Variants in TSGA10 observed in about 807,000 individuals in gnomAD.
TSGA10 encodes the protein testis specific 10.
Under a neutral mutation model 96.6 loss-of-function variants are expected in TSGA10, and 43 were observed. The observed-to-expected ratio is 0.44, with a 90% confidence interval of 0.35 to 0.57. The LOEUF is 0.57. Among genes scored for constraint, TSGA10 ranks in the 20% least tolerant of loss-of-function variants. The pLI is 0.01. For missense variants in TSGA10, 703 were observed against 834.4 expected (o/e 0.84, Z 1.94); for synonymous variants, 229 against 269.9 (o/e 0.85, Z 1.48).
Position 99,039,284 on chromosome 2 carries a change from G to A in TSGA10, c.1405-3845C>T, listed in dbSNP as rs538315839. 3.4e-5 allele frequency among the ~76,000 whole-genome samples: 5 copies of A among 145,776 alleles called. 1 individual carries two copies. In the East Asian group the frequency reaches 1.0e-3, roughly 29 times the overall value. ...AGAAGAAAAGAAATAACAAAGATCA[G>A]AGCAGAATTAAAATGGAAACAACCA... On this transcript the variant is annotated intron_variant, in intron 16 of 20. Coordinates refer to ENST00000393483, the MANE Select transcript of TSGA10 (RefSeq NM_025244.4).
intron 16 of TSGA10, among the ~76,000 whole-genome samples, chr2:99,063,927 G>A (rs2084965044): frequency 6.6e-6 from 1 of 152,014 alleles, no homozygotes; most frequent in Non-Finnish European, 1.5e-5. Flanking sequence ...AAATGGCAAA[G>A]AAACATGAAA....
Position 98,998,209 on chromosome 2 carries a change from G to A in TSGA10, c.2085C>T (p.Tyr695=), listed in dbSNP as rs2077603458. 6 of 1,598,722 alleles carry A rather than the reference G, an allele frequency of 3.8e-6. No homozygotes were observed. Among genetic ancestry groups the A allele is most frequent in the Non-Finnish European group, 5.1e-6 (6 of 1,174,572 alleles). The change falls in exon 21 of 21, where the codon TAC becomes TAT. Residue 695 remains tyrosine (Y), a synonymous_variant. Coordinates refer to ENST00000393483, the MANE Select transcript of TSGA10 (RefSeq NM_025244.4). ...ATCATTTCAGGTGTCAGAAATCTCT[G>A]TAGCAAAGATTCCTATAAGAGAAAA... is the stretch of plus-strand genomic sequence containing the variant. The part of the protein sequence containing the change: ...LDRSLEENLC[Y]RDF
At chr2:99,018,079 G>T in intron 20 of TSGA10, 121 bp downstream of exon 20, 1 of 850,688 alleles carries the variant, frequency 1.2e-6, no homozygotes, top group Non-Finnish European at 1.7e-6. Context: ...ATATATCTTG[G>T]TAATCATGTT....
intron 16 of TSGA10, among the ~76,000 whole-genome samples, chr2:99,053,144 G>T (rs906339130): frequency 2.6e-5 from 4 of 151,880 alleles, no homozygotes. Flanking sequence ...CTCAAGACCA[G>T]ATGGCTTCAT....
intron 11 of TSGA10, 33 bp from the exon 12 acceptor site, chr2:99,078,846 T>A (rs2087073203): frequency 1.3e-6 from 2 of 1,558,212 alleles, no homozygotes; most frequent in Non-Finnish European, 8.7e-7. Context: ...GTTGTTTTAA[T>A]CAAAATAAAA....
At chr2:99,004,136 A>T (rs1401409872) in intron 20 of TSGA10, among the ~76,000 whole-genome samples, 1 of 152,262 alleles carries the variant, frequency 6.6e-6, no homozygotes, top group East Asian at 1.9e-4. Context: ...ATCCCACGGA[A>T]ATGCAAACAA....
chr2:99,140,794 C>T (rs1468184314), intron 1 of TSGA10, among the ~76,000 whole-genome samples: 1 of 152,110 alleles, frequency 6.6e-6, no homozygotes, highest in Non-Finnish European at 1.5e-5. Flanking sequence ...CTAAACTGAA[C>T]AGTCTCCCCA....
At chr2:99,130,076 G>T (rs1384414369) in intron 1 of TSGA10, among the ~76,000 whole-genome samples, 1 of 152,114 alleles carries the variant, frequency 6.6e-6, no homozygotes, top group South Asian at 2.1e-4. Flanking sequence ...TTACTATTAT[G>T]AACAGTGCTG....
chr2:99,003,544 T>C (rs2078167558), intron 20 of TSGA10, among the ~76,000 whole-genome samples: 1 of 152,180 alleles, frequency 6.6e-6, no homozygotes, highest in African/African-American at 2.4e-5. Flanking sequence ...GACCACATAG[T>C]TGGAAGTAAA....
intron 4 of TSGA10, among the ~76,000 whole-genome samples, chr2:99,113,877 G>C (rs2104882136): frequency 6.6e-6 from 1 of 152,212 alleles, no homozygotes. Context: ...CTGAGAAACA[G>C]TGAACCAGAA....
chr2:99,078,583 A>T, intron 12 of TSGA10, 76 bp downstream of exon 12: 1 of 1,364,746 alleles, frequency 7.3e-7, no homozygotes, highest in Non-Finnish European at 1.0e-6. Flanking sequence ...TTCAGATTCT[A>T]GTTCTTTTAA....
At chr2:99,125,971 AG>A (rs2092802424) in intron 2 of TSGA10, 1 of 152,306 alleles carries the variant, frequency 6.6e-6, no homozygotes, top group African/African-American at 2.4e-5. Context: ...ACTATAAAGT[AG>A]GAGTAGATGG....
At chr2:99,138,113 G>C (rs1245019351) in intron 1 of TSGA10, among the ~76,000 whole-genome samples, 1 of 152,164 alleles carries the variant, frequency 6.6e-6, no homozygotes, top group Non-Finnish European at 1.5e-5. Flanking sequence ...CATTATAGCA[G>C]CCTGAATGGA....
chr2:99,150,523 C>A lies in TSGA10; in HGVS notation c.-621+4170G>T, dbSNP rs764829417. On this transcript the variant is annotated intron_variant, in intron 1 of 20. Transcript: ENST00000393483. ...AACACTTCCACTACTTAAAAAGGTA[C>A]CTGCAAATTACTTTCACATTTGTTC... The A allele has an allele frequency of 8.2e-6, 13 of 1,591,768 alleles. No individual in the cohort carries two copies. In the African/African-American group the frequency reaches 8.2e-5, roughly 10 times the overall value.
chr2:99,065,272 A>T, intron 15 of TSGA10, 148 bp from the exon 16 acceptor site: 1 of 847,804 alleles, frequency 1.2e-6, no homozygotes, highest in Non-Finnish European at 1.7e-6. Flanking sequence ...TTAGTTTAGA[A>T]AACAGGTCAT....
At chr2:99,097,885 A>G (rs1366711870) in intron 10 of TSGA10, among the ~76,000 whole-genome samples, 8 of 152,218 alleles carry the variant, frequency 5.3e-5, no homozygotes, top group African/African-American at 1.4e-4. Flanking sequence ...ATGAATACTG[A>G]AAGAAAATTG....
At chr2:99,036,186 TTTTTACAAGTGA>T (rs1471211943) in intron 16 of TSGA10, among the ~76,000 whole-genome samples, 1 of 152,110 alleles carries the variant, frequency 6.6e-6, no homozygotes, top group African/African-American at 2.4e-5. Context: ...AATTTATGTG[TTTTTACAAGTGA>T]TTTTACAAGT....
intron 10 of TSGA10, among the ~76,000 whole-genome samples, chr2:99,084,590 T>G (rs1036971804): frequency 7.9e-5 from 12 of 152,076 alleles, no homozygotes; most frequent in African/African-American, 2.9e-4. Flanking sequence ...TAAAATAAAT[T>G]TCCTTTCTTT....
intron 9 of TSGA10, among the ~76,000 whole-genome samples, chr2:99,104,428 A>T (rs1235092093): frequency 6.6e-6 from 1 of 152,230 alleles, no homozygotes; most frequent in Admixed American, 6.5e-5. Flanking sequence ...AATAAATTAC[A>T]CATATAATGT....
Sources: gnomAD v4.1 joint callset for allele counts (sites outside exome capture counted in the v4.1 genomes callset) on GRCh38, gnomAD v4.1.1 for gene constraint, MANE v1.5 for transcripts, NCBI Gene and HGNC (gene_info 2026-07-23, HGNC 2026-07-21) for gene names.